C10orf90: variants seen among roughly 807,000 people sequenced by gnomAD.
The protein encoded by C10orf90 is (E2-independent) E3 ubiquitin-conjugating enzyme FATS.
In C10orf90, 56 loss-of-function variants were observed where a neutral mutation model predicts 62.5. The ratio of observed to expected loss-of-function variants is 0.90; its 90% CI spans 0.72 to 1.12. The LOEUF is 1.12. C10orf90 is among the 50% of genes most tolerant of loss of function. The pLI is 0.00. For missense variants in C10orf90, 970 were observed against 880.4 expected (o/e 1.10, Z -1.29); for synonymous variants, 386 against 340.4 (o/e 1.13, Z -1.47).
chr10:126,576,719 G>C (rs1334772063), intron 2 of C10orf90, among the ~76,000 whole-genome samples: 2,862 of 39,090 alleles, frequency 0.073, 720 homozygotes, highest in Non-Finnish European at 0.098. Context: ...ATATATACAA[G>C]ATATACATAT....
chr10:126,427,113 C>T (rs1022261612), intron 8 of C10orf90, among the ~76,000 whole-genome samples: 2 of 152,202 alleles, frequency 1.3e-5, no homozygotes, highest in Admixed American at 1.3e-4. Context: ...CATAATATGG[C>T]ATCAAGCTAC....
At chr10:126,637,560 G>A (rs898888656) in intron 2 of C10orf90, among the ~76,000 whole-genome samples, 2 of 152,214 alleles carry the variant, frequency 1.3e-5, no homozygotes, top group African/African-American at 4.8e-5. Flanking sequence ...GCAGGGGAGA[G>A]AAAGGTGGAC....
intron 2 of C10orf90, among the ~76,000 whole-genome samples, chr10:126,566,040 T>C (rs2030845336): frequency 6.6e-6 from 1 of 152,232 alleles, no homozygotes; most frequent in African/African-American, 2.4e-5. Context: ...TTATGAATTT[T>C]CCACTATAGT....
intron 2 of C10orf90, among the ~76,000 whole-genome samples, chr10:126,540,898 T>C (rs551277591): frequency 6.2e-4 from 94 of 152,332 alleles, no homozygotes; most frequent in African/African-American, 2.2e-3. Context: ...AATATTTGCG[T>C]ATAATATTCG....
At chr10:126,652,382 A>C (rs1353578271) in intron 1 of C10orf90, among the ~76,000 whole-genome samples, 3 of 152,228 alleles carry the variant, frequency 2.0e-5, no homozygotes, top group African/African-American at 7.2e-5. Flanking sequence ...TAGGATCTGA[A>C]TGAGGATGCT....
intron 8 of C10orf90, 48 bp from the exon 9 acceptor site, chr10:126,426,138 T>G: frequency 5.5e-6 from 8 of 1,453,594 alleles, no homozygotes; most frequent in Non-Finnish European, 7.7e-6. Flanking sequence ...GACAGCGTGC[T>G]CCCGCTGTGG....
At position 126,473,947 on chromosome 10, in the gene C10orf90, G is replaced by A. The variant is rs551767107; in HGVS notation, c.1535-8961C>T. 2.6e-5 allele frequency among the ~76,000 whole-genome samples: 4 copies of A among 152,252 alleles called. No homozygotes were observed. The South Asian group carries it at 8.3e-4, about 32-fold the overall frequency. On this transcript the variant is annotated intron_variant, in intron 4 of 9. Coordinates refer to ENST00000488181, the MANE Select transcript of C10orf90 (RefSeq NM_001350921.2). ...CATACTTTGAGACCCACACGGTTAGGTTTCATTGCAGTGAAGAAACAAAGA... is the reference window on the plus strand; with the variant it reads ...CATACTTTGAGACCCACACGGTTAGATTTCATTGCAGTGAAGAAACAAAGA...
intron 2 of C10orf90, among the ~76,000 whole-genome samples, chr10:126,533,374 A>T (rs888414527): frequency 6.6e-6 from 1 of 152,196 alleles, no homozygotes; most frequent in African/African-American, 2.4e-5. Context: ...AGCCCTGAAA[A>T]ATTAAGATCA....
chr10:126,639,522 A>G (rs1846018193), intron 2 of C10orf90, among the ~76,000 whole-genome samples: 1 of 152,106 alleles, frequency 6.6e-6, no homozygotes, highest in Non-Finnish European at 1.5e-5. Context: ...AATTCATTGA[A>G]ATCATGGGTA....
intron 2 of C10orf90, among the ~76,000 whole-genome samples, chr10:126,535,013 G>A (rs1419236887): frequency 6.6e-6 from 1 of 152,102 alleles, no homozygotes; most frequent in African/African-American, 2.4e-5. Context: ...TCATGAAAGA[G>A]CCACATATTA....
intron 2 of C10orf90, among the ~76,000 whole-genome samples, chr10:126,576,723 TACA>T (rs1844628708): frequency 2.0e-4 from 9 of 45,668 alleles, no homozygotes; most frequent in African/African-American, 2.9e-4. Flanking sequence ...ATACAAGATA[TACA>T]TATATATGTA....
intron 2 of C10orf90, among the ~76,000 whole-genome samples, chr10:126,579,370 A>G (rs7070753): frequency 0.024 from 3,688 of 150,940 alleles, 145 homozygotes; most frequent in African/African-American, 0.084. Context: ...CCTCCCGAGT[A>G]GCTGGGATTA....
intron 4 of C10orf90, among the ~76,000 whole-genome samples, chr10:126,472,914 A>T (rs958642568): frequency 6.6e-6 from 1 of 152,076 alleles, no homozygotes; most frequent in African/African-American, 2.4e-5. Context: ...CCCTCATCTG[A>T]GGGTACTGAG....
At chr10:126,490,347 G>A (rs1187722431) in intron 4 of C10orf90, among the ~76,000 whole-genome samples, 1 of 151,528 alleles carries the variant, frequency 6.6e-6, no homozygotes, top group East Asian at 1.9e-4. Flanking sequence ...AAAGCAGAGT[G>A]GTCATGGCTT....
At chr10:126,519,375 A>C (rs972224624) in intron 2 of C10orf90, among the ~76,000 whole-genome samples, 1 of 152,244 alleles carries the variant, frequency 6.6e-6, no homozygotes, top group Non-Finnish European at 1.5e-5. Flanking sequence ...CTACAAAAGT[A>C]GCAGACAAGC....
intron 4 of C10orf90, among the ~76,000 whole-genome samples, chr10:126,467,998 C>G (rs1232837234): frequency 1.3e-5 from 2 of 152,094 alleles, no homozygotes; most frequent in Non-Finnish European, 2.9e-5. Context: ...TTCTTTTTGT[C>G]TCTTAATTTT....
At chr10:126,503,056 C>T (rs1862495594) in intron 4 of C10orf90, among the ~76,000 whole-genome samples, 2 of 152,106 alleles carry the variant, frequency 1.3e-5, no homozygotes, top group Admixed American at 6.6e-5. Context: ...GATGCATATC[C>T]TGCATTTTCA....
chr10:126,656,857 G>C (rs565790263), intron 1 of C10orf90, among the ~76,000 whole-genome samples: 110 of 152,284 alleles, frequency 7.2e-4, no homozygotes, highest in African/African-American at 2.6e-3. Flanking sequence ...TCTTAATAAG[G>C]CTGATTTTTA....
In C10orf90 at chr10:126,514,373, A is replaced by G. The variant is rs1297280209; in HGVS notation, c.314-434T>C. 1.1e-4 allele frequency among the ~76,000 whole-genome samples: 17 copies of G among 152,316 alleles called. No homozygotes were observed. In the East Asian group the frequency reaches 2.9e-3, roughly 26 times the overall value. Reference sequence around the variant, plus strand: ...GCAACCATCATTGGAGGGGTCATGGATGACTCAGAAACTGATATGAACACT... The same window carrying G: ...GCAACCATCATTGGAGGGGTCATGGGTGACTCAGAAACTGATATGAACACT... On this transcript the variant is annotated intron_variant, in intron 2 of 9. Coordinates refer to ENST00000488181, the MANE Select transcript of C10orf90 (RefSeq NM_001350921.2).
Sources: gnomAD v4.1 joint callset for allele counts (sites outside exome capture counted in the v4.1 genomes callset) on GRCh38, gnomAD v4.1.1 for gene constraint, MANE v1.5 for transcripts, NCBI Gene and HGNC (gene_info 2026-07-23, HGNC 2026-07-21) for gene names.